The following GFPT2 variants were observed in gnomAD, a reference collection of about 807,000 sequenced individuals.
GFPT2 encodes the protein glutamine--fructose-6-phosphate transaminase 2, also known as glutamine--fructose-6-phosphate aminotransferase [isomerizing] 2.
A neutral mutation model predicts 85.6 loss-of-function variants in GFPT2; 62 were observed. The observed-to-expected ratio is 0.72, with a 90% CI of 0.59 to 0.90. The LOEUF is 0.90. GFPT2 is among the 40% of genes least tolerant of loss of function. The probability of loss-of-function intolerance (pLI) is 0.00; values close to 1 mark genes in which losing one functional copy is unlikely to be tolerated. For missense variants in GFPT2, 788 were observed against 893.4 expected (o/e 0.88, Z 1.50); for synonymous variants, 368 against 344.5 (o/e 1.07, Z -0.75).
intron 14 of GFPT2, among the ~76,000 whole-genome samples, chr5:180,313,127 T>A (rs1237814952): frequency 1.3e-5 from 2 of 151,100 alleles, no homozygotes; most frequent in African/African-American, 4.9e-5. Flanking sequence ...CTGGAACTCC[T>A]GGGTTCAAGG....
rs368812103 is a variant in GFPT2, at chr5:180,303,086, C to T, written c.1843-502G>A. Among the ~76,000 whole-genome samples, 30 of 143,570 alleles carry T rather than the reference C, an allele frequency of 2.1e-4. 3 individuals are homozygous for T. The Middle Eastern group carries it at 0.011, about 52-fold the overall frequency. The allele number at this position is 143,570 out of a possible 152,430, so 94.2% of individuals were successfully genotyped here. ...CTACTAAAAAATACAAAAAATTAGC[C>T]GGGTGTGGTGGCGGGGGCCTGTAGT... On this transcript the variant is annotated intron_variant, in intron 17 of 18. Coordinates refer to ENST00000253778, the MANE Select transcript of GFPT2 (RefSeq NM_005110.4).
Position 180,338,589 on chromosome 5 carries a change from A to G in GFPT2, c.19T>C (p.Tyr7His). Residue 7 changes from tyrosine (Y) to histidine (H), a missense_variant, in exon 2 of 19, where the codon TAC (tyrosine) becomes CAC (histidine). Tyr to His is a moderately conservative substitution (Grantham distance 83). Coordinates refer to ENST00000253778, the MANE Select transcript of GFPT2 (RefSeq NM_005110.4). Reference protein sequence around the residue: MCGIFAYMNYRVPRTRK... With the variant: MCGIFAHMNYRVPRTRK... ...GTCCGGGGGACTCTGTAGTTCATGT[A>G]GGCAAAGATTCCTGTTCAAAGAGAA... is the stretch of plus-strand genomic sequence containing the variant. 6.3e-7 allele frequency: 1 copy of G among 1,596,546 alleles called. No homozygotes were observed. The highest frequency in any genetic ancestry group is 8.6e-7 in the Non-Finnish European group (1 of 1,164,828).
intron 1 of GFPT2, chr5:180,352,425 G>T: frequency 2.2e-6 from 1 of 454,804 alleles, no homozygotes; most frequent in Middle Eastern, 3.3e-4. Context: ...AGGCGGCCCA[G>T]CCAGGAGAGT....
chr5:180,335,746 C>T lies in GFPT2; in HGVS notation c.340+82G>A, dbSNP rs913218845. 51 of 1,436,562 alleles carry T rather than the reference C, an allele frequency of 3.6e-5. No individual in the cohort carries two copies. The African/African-American group carries it at 5.9e-4, about 17-fold the overall frequency. 89.0% of individuals were successfully genotyped at this position (1,436,562 alleles called of 1,614,324 possible). ...CTGAGAAGTCAGTTAGAGGTGGGCG[C>T]GGAACCTGCTTTGGCGGGCACTGGC... On this transcript the variant is annotated intron_variant, in intron 4 of 18. Coordinates refer to ENST00000253778, the MANE Select transcript of GFPT2 (RefSeq NM_005110.4).
At chr5:180,305,177 C>T (rs1763752406) in intron 16 of GFPT2, among the ~76,000 whole-genome samples, 1 of 152,136 alleles carries the variant, frequency 6.6e-6, no homozygotes, top group Non-Finnish European at 1.5e-5. Flanking sequence ...CTCTGTGTCC[C>T]CACACCAGCC....
chr5:180,345,619 G>A (rs558846546), intron 1 of GFPT2, among the ~76,000 whole-genome samples: 35 of 152,290 alleles, frequency 2.3e-4, no homozygotes, highest in African/African-American at 7.7e-4. Flanking sequence ...CTTTTTCTTC[G>A]GCTCCCCGCT....
chr5:180,328,475 C>T lies in GFPT2; in HGVS notation c.535-137G>A. On this transcript the variant is annotated intron_variant, in intron 6 of 18. Transcript: ENST00000253778. The surrounding 1 kb of genome is among the most constrained non-coding windows in gnomAD (Gnocchi z 5.4). ...GTCCCTCGGGGAGCTGAGTGCAGAA[C>T]AGCGCATCCGGGGTGACATCACGAG... 5.9e-6 allele frequency: 4 copies of T among 673,658 alleles called. No homozygotes were observed. Among genetic ancestry groups the T allele is most frequent in the Non-Finnish European group, 1.1e-5 (4 of 375,092 alleles). The allele number at this position is 673,658 out of a possible 1,614,324, so 41.7% of individuals were successfully genotyped here.
At chr5:180,350,545 G>C (rs1421108545) in intron 1 of GFPT2, among the ~76,000 whole-genome samples, 1 of 152,164 alleles carries the variant, frequency 6.6e-6, no homozygotes, top group Non-Finnish European at 1.5e-5. Context: ...TTGAGGGGAG[G>C]ACCACACCCA....
intron 1 of GFPT2, among the ~76,000 whole-genome samples, chr5:180,342,410 T>TG (rs1304176735): frequency 6.9e-6 from 1 of 145,476 alleles, no homozygotes; most frequent in East Asian, 2.1e-4. Flanking sequence ...GTGAAATGTT[T>TG]TTTTTTTTTT....
chr5:180,323,305 G>A lies in GFPT2; in HGVS notation c.794+883C>T, dbSNP rs1433187593. 7.2e-5 allele frequency among the ~76,000 whole-genome samples: 11 copies of A among 152,278 alleles called. No individual in the cohort carries two copies. The highest frequency in any genetic ancestry group is 1.7e-4 in the African/African-American group (7 of 41,564). ...GCGTTAAGTATGATGCTGGCTGTGCGTTTAATCAGGCCTCGCCTCCCTGTC... is the reference window on the plus strand; with the variant it reads ...GCGTTAAGTATGATGCTGGCTGTGCATTTAATCAGGCCTCGCCTCCCTGTC... On this transcript the variant is annotated intron_variant, in intron 9 of 18. Coordinates refer to ENST00000253778, the MANE Select transcript of GFPT2 (RefSeq NM_005110.4). The surrounding 1 kb of genome is among the most constrained non-coding windows in gnomAD (Gnocchi z 4.0).
intron 17 of GFPT2, 68 bp downstream of exon 17, chr5:180,304,704 A>C: frequency 7.4e-7 from 1 of 1,344,682 alleles, no homozygotes; most frequent in Non-Finnish European, 1.1e-6. Context: ...ACTGGCAGAC[A>C]GTGGTGAGGT....
Position 180,328,260 on chromosome 5 carries a change from A to C in GFPT2, c.596+17T>G. 1 of 1,583,650 alleles carries C rather than the reference A, an allele frequency of 6.3e-7. No individual in the cohort carries two copies. The highest frequency in any genetic ancestry group is 1.1e-5 in the South Asian group (1 of 90,514). On this transcript the variant is annotated intron_variant, in intron 7 of 18. Coordinates refer to ENST00000253778, the MANE Select transcript of GFPT2 (RefSeq NM_005110.4). This position sits in a 1 kb window ranked among gnomAD's most constrained non-coding sequence, Gnocchi z 5.4. ...TTCGTTCTTTCTTATGGGAAATGCC[A>C]GTGTGTTTTGCCTCACCGTGTGGCA...
intron 1 of GFPT2, chr5:180,352,240 C>A: frequency 2.8e-6 from 1 of 363,286 alleles, no homozygotes; most frequent in South Asian, 2.1e-5. Flanking sequence ...CCCACCCCGG[C>A]CCTCAGCAAA....
At chr5:180,346,960 C>A (rs1764621170) in intron 1 of GFPT2, among the ~76,000 whole-genome samples, 1 of 152,250 alleles carries the variant, frequency 6.6e-6, no homozygotes, top group South Asian at 2.1e-4. Flanking sequence ...TGTTACTCTT[C>A]TTAGCTTGGA....
At chr5:180,305,029 A>T in intron 16 of GFPT2, 90 bp from the exon 17 acceptor site, 2 of 921,300 alleles carry the variant, frequency 2.2e-6, no homozygotes, top group Non-Finnish European at 3.4e-6. Flanking sequence ...CAGGGGAAGG[A>T]TGACTCTGGA....
intron 15 of GFPT2, among the ~76,000 whole-genome samples, chr5:180,310,924 AC>A (rs1210217163): frequency 6.6e-6 from 1 of 151,724 alleles, no homozygotes; most frequent in Non-Finnish European, 1.5e-5. Flanking sequence ...CTTTGCAGAC[AC>A]CCAGGACCTG....
intron 3 of GFPT2, 191 bp from the exon 4 acceptor site, chr5:180,336,144 GC>G: frequency 1.7e-6 from 1 of 578,678 alleles, no homozygotes; most frequent in Non-Finnish European, 3.0e-6. Flanking sequence ...CTTGTCTGTA[GC>G]TTAGCTCACT....
intron 13 of GFPT2, among the ~76,000 whole-genome samples, chr5:180,315,548 C>G (rs1474020149): frequency 6.6e-6 from 1 of 152,064 alleles, no homozygotes; most frequent in Non-Finnish European, 1.5e-5. Context: ...TATCATGATG[C>G]CCGGGATTGG....
chr5:180,317,631 C>T (rs973410469), intron 10 of GFPT2, among the ~76,000 whole-genome samples: 5 of 142,328 alleles, frequency 3.5e-5, no homozygotes, highest in South Asian at 2.3e-4. Flanking sequence ...TAGTGGCGGG[C>T]GCCTGTAGTC....
Sources: allele counts gnomAD v4.1 joint callset (sites outside exome capture counted in the v4.1 genomes callset), GRCh38; gene constraint gnomAD v4.1.1; non-coding constraint Gnocchi (gnomAD v3.1); transcripts MANE v1.5; gene names NCBI Gene and HGNC (gene_info 2026-07-23, HGNC 2026-07-21).